Variants in SH3GL3 observed in about 807,000 individuals in gnomAD.
The protein encoded by SH3GL3 is endophilin-A3.
A neutral mutation model predicts 47.7 loss-of-function variants in SH3GL3; 33 were observed. The ratio of observed to expected loss-of-function variants is 0.69; its 90% CI spans 0.52 to 0.92. The LOEUF is 0.92. Among genes scored for constraint, SH3GL3 ranks in the 40% least tolerant of loss-of-function variants. The pLI, the probability that SH3GL3 is intolerant of heterozygous loss-of-function variation, is 0.00. For missense variants in SH3GL3, 363 were observed against 417.8 expected (o/e 0.87, Z 1.14); for synonymous variants, 155 against 148.8 (o/e 1.04, Z -0.30).
At chr15:83,487,101 A>G (rs2041631994) in intron 1 of SH3GL3, among the ~76,000 whole-genome samples, 1 of 151,930 alleles carries the variant, frequency 6.6e-6, no homozygotes, top group Admixed American at 6.5e-5. Context: ...ATGTGCAAGT[A>G]TTTGCATCAT....
At chr15:83,569,229 A>G (rs2045701131) in intron 4 of SH3GL3, among the ~76,000 whole-genome samples, 1 of 152,156 alleles carries the variant, frequency 6.6e-6, no homozygotes, top group African/African-American at 2.4e-5. Context: ...GTTTATTCTT[A>G]TATGTATTCA....
chr15:83,624,569 G>A, the SH3GL3 span, among the ~76,000 whole-genome samples: 1 of 152,216 alleles, frequency 6.6e-6, no homozygotes, highest in Non-Finnish European at 1.5e-5. Context: ...AGAGTCAGGG[G>A]ACTGATTGAG....
intron 1 of SH3GL3, among the ~76,000 whole-genome samples, chr15:83,474,063 T>C (rs571533300): frequency 6.6e-6 from 1 of 152,180 alleles, no homozygotes; most frequent in South Asian, 2.1e-4. Context: ...GGGTTTTAAA[T>C]TGTAGTTAGT....
At chr15:83,483,144 A>C (rs2041442548) in intron 1 of SH3GL3, among the ~76,000 whole-genome samples, 1 of 152,256 alleles carries the variant, frequency 6.6e-6, no homozygotes, top group Non-Finnish European at 1.5e-5. Flanking sequence ...TCTTCAAAGA[A>C]AGTGGCTCTA....
chr15:83,574,099 G>A (rs1176019379), intron 5 of SH3GL3, among the ~76,000 whole-genome samples: 1 of 152,144 alleles, frequency 6.6e-6, no homozygotes, highest in African/African-American at 2.4e-5. Context: ...AGGCAGGCTC[G>A]GGGACCTCGG....
Position 83,618,347 on chromosome 15 carries a change from T to A in SH3GL3, c.*60T>A. The A allele has an allele frequency of 9.4e-7, 1 of 1,068,794 alleles. No homozygotes were observed. The highest frequency in any genetic ancestry group is 1.5e-6 in the Non-Finnish European group (1 of 685,010). The allele number at this position is 1,068,794 out of a possible 1,614,324, so 66.2% of individuals were successfully genotyped here. A position where few individuals can be genotyped will look rare whatever the true frequency, so the allele number is the denominator to read the frequency against. ...CTGAAATGAATTCACACCAGTGTGC[T>A]CTCAGTGCGGTGTTCTGTGACATCC... On this transcript the variant is annotated 3_prime_UTR_variant, in exon 9 of 9. Transcript: ENST00000427482.
chr15:83,528,417 C>T (rs1027315611), intron 1 of SH3GL3, among the ~76,000 whole-genome samples: 1 of 152,106 alleles, frequency 6.6e-6, no homozygotes, highest in Non-Finnish European at 1.5e-5. Flanking sequence ...TCTTCATTTT[C>T]TGGATCATCC....
chr15:83,597,138 C>G (rs2585073), intron 8 of SH3GL3, among the ~76,000 whole-genome samples: 113,371 of 152,126 alleles, frequency 0.75, 43,199 homozygotes, highest in African/African-American at 0.9. Flanking sequence ...TCACATTCCA[C>G]ACAGGGTGGA....
Position 83,599,837 on chromosome 15 carries a change from C to T in SH3GL3, c.838+11066C>T, listed in dbSNP as rs551043289. Among the ~76,000 whole-genome samples the T allele has an allele frequency of 3.9e-5, 6 of 152,200 alleles. No homozygotes were observed. The East Asian group carries it at 9.7e-4, about 24-fold the overall frequency. Reference sequence around the variant, plus strand: ...AGTGTAGAAATGTTCCCTTTTCACCCATCCACGCCAACATCTATTTTTTTT... The same window carrying T: ...AGTGTAGAAATGTTCCCTTTTCACCTATCCACGCCAACATCTATTTTTTTT... On this transcript the variant is annotated intron_variant, in intron 8 of 8. Transcript: ENST00000427482.
intron 2 of SH3GL3, among the ~76,000 whole-genome samples, chr15:83,559,799 G>A (rs1051778764): frequency 4.6e-5 from 7 of 152,134 alleles, no homozygotes; most frequent in African/African-American, 1.4e-4. Context: ...GTGTGAACTT[G>A]GATAAGTGAA....
At chr15:83,531,967 G>A (rs1349551983) in intron 1 of SH3GL3, among the ~76,000 whole-genome samples, 1 of 151,916 alleles carries the variant, frequency 6.6e-6, no homozygotes, top group Non-Finnish European at 1.5e-5. Flanking sequence ...GATTGAATCT[G>A]TCTTTTTTTC....
downstream of SH3GL3, among the ~76,000 whole-genome samples, chr15:83,619,151 G>A (rs1295771110): frequency 6.6e-6 from 1 of 152,274 alleles, no homozygotes; most frequent in Non-Finnish European, 1.5e-5. Context: ...GCCCACTGGA[G>A]TCTACAATCC....
At chr15:83,472,423 T>C (rs1466999619) in intron 1 of SH3GL3, among the ~76,000 whole-genome samples, 1 of 152,230 alleles carries the variant, frequency 6.6e-6, no homozygotes, top group African/African-American at 2.4e-5. Context: ...ATTTTCTCTC[T>C]GTTGTTCAGA....
chr15:83,623,534 T>C (rs1488659235), downstream of SH3GL3, among the ~76,000 whole-genome samples: 2 of 152,238 alleles, frequency 1.3e-5, no homozygotes, highest in African/African-American at 4.8e-5. Context: ...CTCAAGTCCC[T>C]GTTGACTATC....
chr15:83,521,042 C>T (rs536759717), intron 1 of SH3GL3, among the ~76,000 whole-genome samples: 13 of 152,278 alleles, frequency 8.5e-5, no homozygotes, highest in South Asian at 4.1e-4. Context: ...GGAATTCCTG[C>T]GTGTCCAGCT....
At chr15:83,609,568 A>C (rs1567035682) in intron 8 of SH3GL3, 1 of 281,176 alleles carries the variant, frequency 3.6e-6, no homozygotes, top group African/African-American at 2.2e-5. Flanking sequence ...TGCCCCTTGA[A>C]ATAACTATGG....
chr15:83,622,889 G>A (rs1158790194), downstream of SH3GL3, among the ~76,000 whole-genome samples: 4 of 152,174 alleles, frequency 2.6e-5, no homozygotes, highest in Admixed American at 2.6e-4. Context: ...CTTCTGTTGG[G>A]CACAGACTGA....
intron 4 of SH3GL3, among the ~76,000 whole-genome samples, chr15:83,571,817 T>C (rs2045830933): frequency 1.3e-5 from 2 of 152,170 alleles, no homozygotes; most frequent in Admixed American, 1.3e-4. Flanking sequence ...CCCAGGGATG[T>C]TTTCTAGAGA....
At chr15:83,464,363 T>C (rs892062833) in intron 1 of SH3GL3, among the ~76,000 whole-genome samples, 1 of 152,154 alleles carries the variant, frequency 6.6e-6, no homozygotes, top group Non-Finnish European at 1.5e-5. Flanking sequence ...TTGGGTACTT[T>C]CTCTTTTCTA....
Sources: gnomAD v4.1 joint callset for allele counts (sites outside exome capture counted in the v4.1 genomes callset) on GRCh38, gnomAD v4.1.1 for gene constraint, MANE v1.5 for transcripts, NCBI Gene and HGNC (gene_info 2026-07-23, HGNC 2026-07-21) for gene names.